DRD3: variants seen among roughly 807,000 people sequenced by gnomAD.
DRD3 encodes the protein D(3) dopamine receptor.
Under a neutral mutation model 36.3 loss-of-function variants are expected in DRD3, and 19 were observed. That is an observed-to-expected ratio of 0.52 (90% confidence interval 0.36 to 0.77). DRD3 has a LOEUF of 0.77. DRD3 is among the 30% of genes least tolerant of loss of function. DRD3 has a pLI of 0.00. For synonymous variants in DRD3, 195 were observed against 203.7 expected (o/e 0.96, Z 0.36); for missense variants, 465 against 505.3 (o/e 0.92, Z 0.77).
rs141299107 is a variant in DRD3, at chr3:114,175,484, T to C, written c.-36+3173A>G. 1.4e-4 allele frequency among the ~76,000 whole-genome samples: 21 copies of C among 152,288 alleles called. No homozygotes were observed. In the East Asian group the frequency reaches 3.7e-3, roughly 27 times the overall value. On this transcript the variant is annotated intron_variant, in intron 1 of 6. Transcript: ENST00000383673. ...TGATGGCATTCATGCTTACAAAATC[T>C]AAGCAGGGAGGAAGTTGAAACAATT...
chr3:114,159,788 C>G lies in DRD3; in HGVS notation c.350G>C (p.Ser117Thr), dbSNP rs200269629. ...VTLDVMMCTASILNLCAISID... is the reference protein window; with the variant it reads ...VTLDVMMCTATILNLCAISID... ...GCTGATGGCACAGAGATTAAGGATG[C>G]TGGCTGTACACATCATGACATCCAG... is the stretch of plus-strand genomic sequence containing the variant. The change falls in exon 3 of 7, where the codon AGC (serine) becomes ACC (threonine). Residue 117 changes from serine (S) to threonine (T), a missense_variant. Transcript: ENST00000383673. 6 of 1,614,000 alleles carry G rather than the reference C, an allele frequency of 3.7e-6. No homozygotes were observed. In the African/African-American group the frequency reaches 8.0e-5, roughly 22 times the overall value.
intron 1 of DRD3, among the ~76,000 whole-genome samples, chr3:114,197,818 A>G (rs961246059): frequency 5.9e-5 from 9 of 152,292 alleles, no homozygotes; most frequent in African/African-American, 2.2e-4. Flanking sequence ...CTTGACACCA[A>G]TACCAAACAG....
At chr3:114,150,992 A>G (rs1488500873) in intron 3 of DRD3, among the ~76,000 whole-genome samples, 1 of 152,190 alleles carries the variant, frequency 6.6e-6, no homozygotes, top group Non-Finnish European at 1.5e-5. Flanking sequence ...CTTCTTTCTC[A>G]AAAGGGAAAA....
At chr3:114,182,029 T>C (rs2077950880), upstream of DRD3, among the ~76,000 whole-genome samples, 1 of 152,220 alleles carries the variant, frequency 6.6e-6, no homozygotes, top group Admixed American at 6.5e-5. Context: ...TACTGTGAAC[T>C]GGAAGATTTG....
intron 5 of DRD3, among the ~76,000 whole-genome samples, chr3:114,138,168 C>CAAAAA (rs35536800): frequency 1.3e-5 from 1 of 74,132 alleles, no homozygotes; most frequent in African/African-American, 5.1e-5. Flanking sequence ...GACTCTGTCT[C>CAAAAA]AAAAAAAAAA....
chr3:114,147,390 C>A (rs1294164344), intron 4 of DRD3, 25 bp downstream of exon 4: 1 of 1,604,392 alleles, frequency 6.2e-7, no homozygotes, highest in Non-Finnish European at 8.5e-7. Flanking sequence ...CACATGGATG[C>A]TAGAAATGAA....
upstream of DRD3, among the ~76,000 whole-genome samples, chr3:114,180,388 G>A (rs143446397): frequency 1.2e-3 from 179 of 152,200 alleles, 4 homozygotes; most frequent in South Asian, 0.022. Flanking sequence ...TGAAGTGTGA[G>A]TTAAGTTAAA....
chr3:114,158,299 C>T (rs1424173319), intron 3 of DRD3, among the ~76,000 whole-genome samples: 1 of 151,126 alleles, frequency 6.6e-6, no homozygotes, highest in Non-Finnish European at 1.5e-5. Context: ...TGTAAACATA[C>T]CAATATAACA....
intron 3 of DRD3, among the ~76,000 whole-genome samples, chr3:114,157,842 C>T (rs1016806107): frequency 6.6e-6 from 1 of 152,208 alleles, no homozygotes; most frequent in Non-Finnish European, 1.5e-5. Flanking sequence ...GTGGCTCACA[C>T]GTGTAATCCC....
At chr3:114,152,187 A>G (rs2077624195) in intron 3 of DRD3, among the ~76,000 whole-genome samples, 1 of 148,112 alleles carries the variant, frequency 6.8e-6, no homozygotes, top group South Asian at 2.1e-4. Flanking sequence ...ACACTGTACC[A>G]TATTTGTAGT....
At chr3:114,147,886 G>A (rs1559986944) in intron 3 of DRD3, among the ~76,000 whole-genome samples, 1 of 152,130 alleles carries the variant, frequency 6.6e-6, no homozygotes, top group Non-Finnish European at 1.5e-5. Context: ...CAAGTCTCTG[G>A]CCTCAGCCTC....
At chr3:114,129,125 C>T (rs950905757) in intron 6 of DRD3, among the ~76,000 whole-genome samples, 1 of 151,994 alleles carries the variant, frequency 6.6e-6, no homozygotes, top group Admixed American at 6.6e-5. Flanking sequence ...GGTGGATCAC[C>T]TGAGGTCAGG....
chr3:114,142,984 G>T (rs2107842107), intron 4 of DRD3, among the ~76,000 whole-genome samples: 1 of 152,328 alleles, frequency 6.6e-6, no homozygotes, highest in African/African-American at 2.4e-5. Flanking sequence ...CTGGCCCTGG[G>T]TGTGTGTCCT....
Sources: gnomAD v4.1 joint callset for allele counts (sites outside exome capture counted in the v4.1 genomes callset) on GRCh38, gnomAD v4.1.1 for gene constraint, MANE v1.5 for transcripts, NCBI Gene and HGNC (gene_info 2026-07-23, HGNC 2026-07-21) for gene names.